GUCD1: variants seen among roughly 807,000 people sequenced by gnomAD.
GUCD1 encodes protein GUCD1.
GUCD1 carries 17 observed loss-of-function variants against 28.3 expected under a neutral mutation model. The ratio of observed to expected loss-of-function variants is 0.60; its 90% CI spans 0.41 to 0.90. GUCD1 has a LOEUF of 0.90. Ranked by LOEUF, GUCD1 falls within the 40% of genes least tolerant of loss-of-function variation. The pLI, the probability that GUCD1 is intolerant of heterozygous loss-of-function variation, is 0.00. For missense variants in GUCD1, 279 were observed against 305.5 expected (o/e 0.91, Z 0.65); for synonymous variants, 129 against 123.3 (o/e 1.05, Z -0.30).
intron 1 of GUCD1, among the ~76,000 whole-genome samples, chr22:24,551,279 G>A (rs768051764): frequency 1.3e-5 from 2 of 152,080 alleles, no homozygotes; most frequent in Non-Finnish European, 2.9e-5. Context: ...AGATACCCAG[G>A]CCGTTCACTC....
rs2044632207 is a variant in GUCD1, at chr22:24,543,049, T to C, written c.677A>G (p.Tyr226Cys). The part of the protein sequence containing the change: ...ISNFEEARTS[Y>C]GTDEDILFVY... ...AAAGAGGATGTCCTCATCTGTGCCA[T>C]AGCTGGTTCTGGCCTCCTCAAAGTT... is the stretch of plus-strand genomic sequence containing the variant. The change falls in exon 6 of 6, where the codon TAT becomes TGT. Residue 226 changes from tyrosine (Y) to cysteine (C), a missense_variant. By Grantham distance (194) the Tyr-to-Cys change is radical (BLOSUM62 -2). Coordinates refer to ENST00000435822, the MANE Select transcript of GUCD1 (RefSeq NM_001284254.2). The C allele has an allele frequency of 3.7e-6, 6 of 1,614,002 alleles. No homozygotes were observed. Among genetic ancestry groups the C allele is most frequent in the South Asian group, 1.1e-5 (1 of 91,084 alleles).
chr22:24,547,358 TG>T (rs1601542495), intron 3 of GUCD1: 1 of 260,740 alleles, frequency 3.8e-6, no homozygotes, highest in East Asian at 8.6e-5. Context: ...CTGAACCACC[TG>T]GGACAGCTCA....
In GUCD1 at chr22:24,543,201, C is replaced by T. The variant is rs1418918198; in HGVS notation, c.629-104G>A. ...AGCTGAGTGAGGTCTGTTTCCCATC[C>T]ACATGGCCATTCCTCTCAACTCAAG... On this transcript the variant is annotated intron_variant, in intron 5 of 5. Transcript: ENST00000435822. 3 of 808,614 alleles carry T rather than the reference C, an allele frequency of 3.7e-6. No individual in the cohort carries two copies. The African/African-American group carries it at 5.0e-5, about 14-fold the overall frequency. 50.1% of individuals were successfully genotyped at this position (808,614 alleles called of 1,614,324 possible).
rs537653398 is a variant in GUCD1 at position 24,544,833 on chromosome 22, A to T, written c.387-750T>A. 2.1e-4 allele frequency among the ~76,000 whole-genome samples: 32 copies of T among 152,262 alleles called. No homozygotes were observed. The South Asian group carries it at 4.6e-3, about 22-fold the overall frequency. On this transcript the variant is annotated intron_variant, in intron 4 of 5. Coordinates refer to ENST00000435822, the MANE Select transcript of GUCD1 (RefSeq NM_001284254.2). ...TAGAGACCAGCCTGGGCAACACAGC[A>T]GTACCCTGTCTTTACAAAAACATTT...
chr22:24,555,371 C>A (rs1023955746), upstream of GUCD1: 6 of 1,317,990 alleles, frequency 4.6e-6, no homozygotes, highest in African/African-American at 1.5e-5. Context: ...TTTCTTTGAG[C>A]CCCGCCCCAA....
chr22:24,546,855 C>T lies in GUCD1; in HGVS notation c.386+59G>A, dbSNP rs1480900408. The T allele has an allele frequency of 2.1e-6, 3 of 1,434,714 alleles. No homozygotes were observed. In the African/African-American group the frequency reaches 4.2e-5, roughly 20 times the overall value. The allele number at this position is 1,434,714 out of a possible 1,614,324, so 88.9% of individuals were successfully genotyped here. On this transcript the variant is annotated intron_variant, in intron 4 of 5. Coordinates refer to ENST00000435822, the MANE Select transcript of GUCD1 (RefSeq NM_001284254.2). ...ACACCATCCCGAGGCCTCCCCACTG[C>T]AGATCTGTGGGTGAGCAGGCATGAG...
chr22:24,549,420 CCT>C (rs1489378929), intron 1 of GUCD1, among the ~76,000 whole-genome samples: 7 of 152,160 alleles, frequency 4.6e-5, no homozygotes, highest in African/African-American at 1.4e-4. Flanking sequence ...CAGTATTGCC[CCT>C]CTCAGGCCCA....
rs568861605 is a variant in GUCD1, at chr22:24,542,811, G to A, written c.*195C>T. On this transcript the variant is annotated 3_prime_UTR_variant, in exon 6 of 6. Transcript: ENST00000435822. Reference sequence around the variant, plus strand: ...CAGCCAGCAGGTGCTTGGGGTGAGTGACATGACAACACACGGCACTGGCAG... The same window carrying A: ...CAGCCAGCAGGTGCTTGGGGTGAGTAACATGACAACACACGGCACTGGCAG... 1 of 550,044 alleles carries A rather than the reference G, an allele frequency of 1.8e-6. No individual in the cohort carries two copies. The highest frequency in any genetic ancestry group is 1.9e-5 in the African/African-American group (1 of 52,568). The allele number at this position is 550,044 out of a possible 1,614,324, so 34.1% of individuals were successfully genotyped here. A position where few individuals can be genotyped will look rare whatever the true frequency, so the allele number is the denominator to read the frequency against.
chr22:24,555,729 A>C (rs2147112222), upstream of GUCD1: 4 of 1,550,634 alleles, frequency 2.6e-6, no homozygotes. Context: ...CTTGCCGTCC[A>C]GCCTGTCCTT....
chr22:24,555,019 C>T lies in GUCD1; in HGVS notation c.-28G>A. On this transcript the variant is annotated 5_prime_UTR_variant, in exon 1 of 6. Coordinates refer to ENST00000435822, the MANE Select transcript of GUCD1 (RefSeq NM_001284254.2). ...CCCGGGCGGCGCGGGGCGCCCATGG[C>T]CCCGGCCCAGAGCGGGCTACAGCTT... The T allele has an allele frequency of 6.8e-7, 1 of 1,475,368 alleles. No individual in the cohort carries two copies. Among genetic ancestry groups the T allele is most frequent in the Non-Finnish European group, 9.0e-7 (1 of 1,117,230 alleles). 91.4% of individuals were successfully genotyped at this position (1,475,368 alleles called of 1,614,324 possible).
At position 24,548,950 on chromosome 22, in the gene GUCD1, T is replaced by C; in HGVS notation, c.95A>G (p.Asp32Gly). The change falls in exon 2 of 6, where the codon GAC becomes GGC. Residue 32 changes from aspartate to glycine, a missense_variant. Physicochemically the swap from Asp to Gly is moderately conservative, Grantham distance 94 (BLOSUM62 -1). Transcript: ENST00000435822. ...VPVIQQLYHWDCGLACSRMVL... is the reference protein window; with the variant it reads ...VPVIQQLYHWGCGLACSRMVL... Reference sequence around the variant, plus strand: ...CATCCTGGAGCAGGCCAGGCCACAGTCCCAGTGGTAGAGCTGCTGGATGAC... The same window carrying C: ...CATCCTGGAGCAGGCCAGGCCACAGCCCCAGTGGTAGAGCTGCTGGATGAC... 6.3e-7 allele frequency: 1 copy of C among 1,585,820 alleles called. No individual in the cohort carries two copies. Among genetic ancestry groups the C allele is most frequent in the Non-Finnish European group, 8.6e-7 (1 of 1,165,916 alleles).
In GUCD1 at chr22:24,546,785, C is replaced by T. The variant is rs3747116; in HGVS notation, c.386+129G>A. The T allele has an allele frequency of 3.4e-4, 270 of 787,272 alleles. 1 individual carries two copies. The East Asian group carries it at 5.5e-3, about 16-fold the overall frequency. 48.8% of individuals were successfully genotyped at this position (787,272 alleles called of 1,614,324 possible). On this transcript the variant is annotated intron_variant, in intron 4 of 5. Transcript: ENST00000435822. ...GGGCAAGTCAGTGCCCACAGCCACC[C>T]GGGTAGCCAGTTCTGCCTGGCTCCA...
intron 1 of GUCD1, among the ~76,000 whole-genome samples, chr22:24,550,606 C>T (rs2044846365): frequency 6.6e-6 from 1 of 152,242 alleles, no homozygotes; most frequent in Non-Finnish European, 1.5e-5. Flanking sequence ...GTGACCAGCT[C>T]TGTGTAGAGC....
chr22:24,555,423 G>T, upstream of GUCD1: 1 of 1,181,662 alleles, frequency 8.5e-7, no homozygotes, highest in Non-Finnish European at 1.1e-6. Context: ...CCTTCGGCAA[G>T]CCCCGCCTCT....
chr22:24,555,582 C>A (rs1244001539), upstream of GUCD1: 4 of 1,547,126 alleles, frequency 2.6e-6, no homozygotes, highest in Admixed American at 5.9e-5. Context: ...TTATCCGTAC[C>A]AGATACCTAG....
At position 24,545,941 on chromosome 22, in the gene GUCD1, C is replaced by T. The variant is rs187268507; in HGVS notation, c.386+973G>A. Among the ~76,000 whole-genome samples, 12 of 150,740 alleles carry T rather than the reference C, an allele frequency of 8.0e-5. No homozygotes were observed. In the East Asian group the frequency reaches 8.0e-4, roughly 10 times the overall value. On this transcript the variant is annotated intron_variant, in intron 4 of 5. Transcript: ENST00000435822. Reference sequence around the variant, plus strand: ...GGCAGTACTCTTGGAAAATGTCCCACATCCTGGATTTGCCTTTCTGTTTCC... The same window carrying T: ...GGCAGTACTCTTGGAAAATGTCCCATATCCTGGATTTGCCTTTCTGTTTCC...
At chr22:24,550,447 C>T (rs1242760220) in intron 1 of GUCD1, among the ~76,000 whole-genome samples, 3 of 152,190 alleles carry the variant, frequency 2.0e-5, no homozygotes, top group Non-Finnish European at 4.4e-5. Context: ...GCAGGACCCT[C>T]CTCCGTAGCC....
upstream of GUCD1, chr22:24,555,824 A>T (rs367997605): frequency 3.2e-6 from 5 of 1,545,782 alleles, no homozygotes; most frequent in African/African-American, 2.7e-5. Context: ...GGGCCCAGTC[A>T]TCAGCCCTCT....
Position 24,548,999 on chromosome 22 carries a change from C to T in GUCD1, c.46G>A (p.Asp16Asn). The T allele has an allele frequency of 1.3e-6, 2 of 1,570,860 alleles. No homozygotes were observed. The highest frequency in any genetic ancestry group is 1.7e-6 in the Non-Finnish European group (2 of 1,156,890). Reference protein sequence around the residue: ...EAAGPPLEPGDFVQLPVPVIQ... With the variant: ...EAAGPPLEPGNFVQLPVPVIQ... The stretch of plus-strand genomic sequence containing the variant: ...ACGGGCACAGGCAGTTGCACAAAGT[C>T]CCCTGTGCAGAAACAGAGGGAGGTC... Residue 16 changes from aspartate to asparagine, a missense_variant and splice_region_variant, in exon 2 of 6, where the codon GAC (aspartate) becomes AAC (asparagine). Physicochemically the swap from Asp to Asn is conservative, Grantham distance 23 (BLOSUM62 1). Transcript: ENST00000435822.
Sources: allele counts gnomAD v4.1 joint callset (sites outside exome capture counted in the v4.1 genomes callset), GRCh38; gene constraint gnomAD v4.1.1; transcripts MANE v1.5; gene names NCBI Gene and HGNC (gene_info 2026-07-23, HGNC 2026-07-21).